Variants in CHST8 observed in about 807,000 individuals in gnomAD.
CHST8 encodes the protein GALNAC-4-ST1.
Under a neutral mutation model 15.0 loss-of-function variants are expected in CHST8, and 10 were observed. The observed-to-expected ratio is 0.67, with a 90% CI of 0.41 to 1.13. CHST8 has a LOEUF of 1.13. Among genes scored for constraint, CHST8 ranks in the 50% most tolerant of loss-of-function variants. The pLI, the probability that CHST8 is intolerant of heterozygous loss-of-function variation, is 0.00. For synonymous variants in CHST8, 259 were observed against 256.6 expected (o/e 1.01, Z -0.09); for missense variants, 634 against 608.2 (o/e 1.04, Z -0.45).
chr19:33,635,695 C>T (rs904235170), intron 1 of CHST8, among the ~76,000 whole-genome samples: 3 of 152,276 alleles, frequency 2.0e-5, no homozygotes, highest in East Asian at 1.9e-4. Context: ...CTTAGTTCCC[C>T]GGAGATACTG....
chr19:33,772,394 C>T lies in CHST8; in HGVS notation c.606C>T (p.Cys202=). Residue 202 remains cysteine, a synonymous_variant, in exon 5 of 5, where the codon TGC becomes TGT. Coordinates refer to ENST00000650847, the MANE Select transcript of CHST8 (RefSeq NM_001127895.2). ...VLYCEVPKAG[C]SNWKRVLMVL... is the part of the protein sequence containing the mutation. ...ACTGCGAGGTGCCCAAGGCCGGCTG[C>T]TCCAATTGGAAGCGGGTGCTCATGG... The T allele has an allele frequency of 6.2e-7, 1 of 1,609,740 alleles. No homozygotes were observed. Among genetic ancestry groups the T allele is most frequent in the Non-Finnish European group, 8.5e-7 (1 of 1,179,590 alleles).
At chr19:33,712,228 C>T (rs1254894130) in intron 3 of CHST8, among the ~76,000 whole-genome samples, 2 of 152,228 alleles carry the variant, frequency 1.3e-5, no homozygotes, top group African/African-American at 4.8e-5. Flanking sequence ...TTCCCGTTCA[C>T]CCGATTGGTG....
chr19:33,661,891 G>A (rs963321362), intron 1 of CHST8, among the ~76,000 whole-genome samples: 1 of 149,876 alleles, frequency 6.7e-6, no homozygotes, highest in Non-Finnish European at 1.5e-5. Flanking sequence ...AAAAAAATAG[G>A]CGGGTATGGT....
intron 3 of CHST8, among the ~76,000 whole-genome samples, chr19:33,701,087 C>T (rs1171383589): frequency 2.6e-5 from 4 of 152,122 alleles, no homozygotes. Context: ...CATGAAGGAC[C>T]TTCACTGCCA....
chr19:33,742,507 G>A (rs1222803391), intron 3 of CHST8, among the ~76,000 whole-genome samples: 1 of 152,114 alleles, frequency 6.6e-6, no homozygotes, highest in Non-Finnish European at 1.5e-5. Context: ...GCAAGAACTC[G>A]CTCATTACCA....
chr19:33,656,724 T>C (rs1341894312), intron 1 of CHST8, among the ~76,000 whole-genome samples: 4 of 152,044 alleles, frequency 2.6e-5, no homozygotes, highest in African/African-American at 2.4e-5. Flanking sequence ...ATTTCTGTAG[T>C]GACAGCATCT....
At chr19:33,660,836 A>C (rs535844551) in intron 1 of CHST8, among the ~76,000 whole-genome samples, 1 of 152,330 alleles carries the variant, frequency 6.6e-6, no homozygotes, top group Admixed American at 6.5e-5. Flanking sequence ...CCTGCTTCAC[A>C]AGGAGCAGTA....
At chr19:33,766,959 C>T (rs1008303069) in intron 3 of CHST8, among the ~76,000 whole-genome samples, 6 of 152,262 alleles carry the variant, frequency 3.9e-5, no homozygotes, top group Admixed American at 2.0e-4. Context: ...CCACCACAGA[C>T]AGGGACCTGG....
intron 1 of CHST8, among the ~76,000 whole-genome samples, chr19:33,652,686 C>A (rs1972464966): frequency 6.6e-6 from 1 of 151,946 alleles, no homozygotes; most frequent in Non-Finnish European, 1.5e-5. Context: ...TATATTTTTT[C>A]TTTTTTCTGT....
chr19:33,695,331 C>T (rs534851159), intron 3 of CHST8, among the ~76,000 whole-genome samples: 2 of 152,288 alleles, frequency 1.3e-5, no homozygotes, highest in East Asian at 3.9e-4. Flanking sequence ...AGCAACAATA[C>T]TGATACTAGC....
intron 1 of CHST8, among the ~76,000 whole-genome samples, chr19:33,662,461 C>G (rs1167821591): frequency 6.6e-6 from 1 of 152,228 alleles, no homozygotes; most frequent in African/African-American, 2.4e-5. Flanking sequence ...CCTTTCCACT[C>G]TAGGTCTCAC....
chr19:33,686,920 C>T (rs1177427290), intron 2 of CHST8, among the ~76,000 whole-genome samples: 4 of 152,218 alleles, frequency 2.6e-5, no homozygotes, highest in Non-Finnish European at 5.9e-5. Context: ...ATGTGAACAC[C>T]GTCCCCATGA....
intron 1 of CHST8, among the ~76,000 whole-genome samples, chr19:33,635,895 A>G (rs112840582): frequency 1.3e-5 from 2 of 152,246 alleles, no homozygotes; most frequent in African/African-American, 4.8e-5. Flanking sequence ...GTGTGAGCCA[A>G]CTACCGTTTG....
intron 3 of CHST8, among the ~76,000 whole-genome samples, chr19:33,730,827 C>G (rs1249237478): frequency 1.3e-5 from 2 of 152,196 alleles, no homozygotes; most frequent in African/African-American, 4.8e-5. Context: ...AATCCAACAG[C>G]ACAGCCTTCA....
At chr19:33,726,750 C>T (rs912420834) in intron 3 of CHST8, among the ~76,000 whole-genome samples, 8 of 152,190 alleles carry the variant, frequency 5.3e-5, no homozygotes, top group Admixed American at 2.0e-4. Flanking sequence ...TCCTCCTGAC[C>T]GCCATAAAGA....
chr19:33,694,507 G>T (rs1339519653), intron 3 of CHST8, among the ~76,000 whole-genome samples: 1 of 151,832 alleles, frequency 6.6e-6, no homozygotes, highest in Admixed American at 6.6e-5. Context: ...ACTCCTGCAG[G>T]GCATGGGGAA....
At chr19:33,740,321 G>A (rs182667081) in intron 3 of CHST8, among the ~76,000 whole-genome samples, 3 of 152,270 alleles carry the variant, frequency 2.0e-5, no homozygotes, top group Admixed American at 6.5e-5. Flanking sequence ...TGTGGGCATC[G>A]GTTTGCAGAA....
At chr19:33,709,617 G>A (rs1973511919) in intron 3 of CHST8, among the ~76,000 whole-genome samples, 1 of 149,588 alleles carries the variant, frequency 6.7e-6, no homozygotes, top group Non-Finnish European at 1.5e-5. Flanking sequence ...CTCAAATTTT[G>A]TTGTGGATTT....
chr19:33,720,498 C>T (rs1311712519), intron 3 of CHST8, among the ~76,000 whole-genome samples: 1 of 152,206 alleles, frequency 6.6e-6, no homozygotes, highest in African/African-American at 2.4e-5. Flanking sequence ...ACACCACACA[C>T]ACCACATATG....
Sources: gnomAD v4.1 joint callset for allele counts (sites outside exome capture counted in the v4.1 genomes callset) on GRCh38, gnomAD v4.1.1 for gene constraint, MANE v1.5 for transcripts, NCBI Gene and HGNC (gene_info 2026-07-23, HGNC 2026-07-21) for gene names.